The following HECTD2 variants were observed in gnomAD, a reference collection of about 807,000 sequenced individuals.
HECTD2 encodes the protein probable E3 ubiquitin-protein ligase HECTD2.
Under a neutral mutation model 103.2 loss-of-function variants are expected in HECTD2, and 35 were observed. The ratio of observed to expected loss-of-function variants is 0.34; its 90% CI spans 0.26 to 0.45. The LOEUF is 0.45. Ranked by LOEUF, HECTD2 falls within the 20% of genes least tolerant of loss-of-function variation. The pLI is 1.00. For synonymous variants in HECTD2, 281 were observed against 329.9 expected (o/e 0.85, Z 1.61); for missense variants, 596 against 937.4 (o/e 0.64, Z 4.76).
chr10:91,426,491 A>G (rs773606622), intron 2 of HECTD2, among the ~76,000 whole-genome samples: 5 of 151,984 alleles, frequency 3.3e-5, no homozygotes, highest in Non-Finnish European at 5.9e-5. Context: ...CTACATTCTT[A>G]TAGGTTAGTA....
chr10:91,440,272 G>C (rs1451491728), intron 2 of HECTD2, among the ~76,000 whole-genome samples: 1 of 152,128 alleles, frequency 6.6e-6, no homozygotes, highest in African/African-American at 2.4e-5. Context: ...TTTATTGAGA[G>C]TTTTTAGCAT....
chr10:91,433,605 T>A (rs1439864775), intron 2 of HECTD2, among the ~76,000 whole-genome samples: 1 of 152,036 alleles, frequency 6.6e-6, no homozygotes, highest in Non-Finnish European at 1.5e-5. Context: ...AAATAAATGA[T>A]TTGTGTTCAT....
chr10:91,478,125 C>A, intron 5 of HECTD2, 76 bp from the exon 6 acceptor site: 1 of 936,756 alleles, frequency 1.1e-6, no homozygotes, highest in Non-Finnish European at 1.7e-6. Flanking sequence ...TGAAACAGAT[C>A]TGTAAATATA....
At chr10:91,436,158 T>TGG (rs546696812) in intron 2 of HECTD2, among the ~76,000 whole-genome samples, 65 of 152,094 alleles carry the variant, frequency 4.3e-4, no homozygotes, top group African/African-American at 1.5e-3. Context: ...CTGTTTGTTT[T>TGG]GGTCTCTGTC....
intron 20 of HECTD2, among the ~76,000 whole-genome samples, chr10:91,507,253 T>C (rs979736933): frequency 1.3e-5 from 2 of 150,932 alleles, no homozygotes; most frequent in East Asian, 2.0e-4. Context: ...CTATTCAACA[T>C]AGTGTTGGAA....
intron 2 of HECTD2, among the ~76,000 whole-genome samples, chr10:91,431,023 G>T (rs1269841360): frequency 6.6e-6 from 1 of 151,462 alleles, no homozygotes; most frequent in Non-Finnish European, 1.5e-5. Context: ...GGTACAGGTT[G>T]TGCCTTTCCA....
intron 2 of HECTD2, among the ~76,000 whole-genome samples, chr10:91,432,562 G>A (rs1173035185): frequency 1.3e-5 from 2 of 151,900 alleles, no homozygotes; most frequent in Middle Eastern, 3.2e-3. Context: ...TTACTCTCTT[G>A]TGTCTTCCTT....
chr10:91,490,663 G>A (rs1327897136), intron 11 of HECTD2, among the ~76,000 whole-genome samples: 6 of 151,506 alleles, frequency 4.0e-5, no homozygotes, highest in South Asian at 2.1e-4. Context: ...AGGCCGAGGC[G>A]GGCGGATCAC....
chr10:91,456,366 GCT>G (rs1168041198), intron 2 of HECTD2, among the ~76,000 whole-genome samples: 8 of 152,060 alleles, frequency 5.3e-5, no homozygotes, highest in African/African-American at 1.9e-4. Flanking sequence ...TCATGATTTG[GCT>G]CTCTGTTTGT....
chr10:91,466,978 G>A (rs1177785449), intron 5 of HECTD2, among the ~76,000 whole-genome samples: 3 of 151,926 alleles, frequency 2.0e-5, no homozygotes, highest in African/African-American at 2.4e-5. Flanking sequence ...CATCTGCCAC[G>A]GAGAGACTGG....
At chr10:91,499,399 CAAGTA>C (rs776589722) in intron 18 of HECTD2, among the ~76,000 whole-genome samples, 1 of 152,046 alleles carries the variant, frequency 6.6e-6, no homozygotes, top group Non-Finnish European at 1.5e-5. Context: ...AAACTTTCTC[CAAGTA>C]GAGTGGATGA....
At chr10:91,506,422 T>C (rs1237312986) in intron 20 of HECTD2, among the ~76,000 whole-genome samples, 2 of 150,124 alleles carry the variant, frequency 1.3e-5, no homozygotes, top group Non-Finnish European at 3.0e-5. Context: ...ATAGATGCAA[T>C]AAAAAATGAT....
chr10:91,415,921 G>A (rs1340109091), intron 1 of HECTD2, among the ~76,000 whole-genome samples: 1 of 152,102 alleles, frequency 6.6e-6, no homozygotes, highest in Non-Finnish European at 1.5e-5. Flanking sequence ...TACATAAAAA[G>A]GGAGGGCTAT....
chr10:91,454,976 A>G (rs1426104541), intron 2 of HECTD2, among the ~76,000 whole-genome samples: 2 of 152,070 alleles, frequency 1.3e-5, no homozygotes, highest in African/African-American at 2.4e-5. Context: ...TCATTGATGG[A>G]CATTTGGGTT....
chr10:91,505,972 C>T (rs1162651736), intron 20 of HECTD2, among the ~76,000 whole-genome samples: 1 of 151,156 alleles, frequency 6.6e-6, no homozygotes, highest in Non-Finnish European at 1.5e-5. Flanking sequence ...AAGAATCTCA[C>T]TCAAAGCCAC....
intron 2 of HECTD2, among the ~76,000 whole-genome samples, chr10:91,454,973 T>C (rs1344734580): frequency 6.6e-6 from 1 of 152,194 alleles, no homozygotes; most frequent in East Asian, 1.9e-4. Flanking sequence ...CTATCATTGA[T>C]GGACATTTGG....
rs765400670 is a variant in HECTD2, at chr10:91,502,749, T to C, written c.2210+1415T>C. 1.3e-4 allele frequency among the ~76,000 whole-genome samples: 20 copies of C among 152,148 alleles called. 1 individual carries two copies. Among genetic ancestry groups the C allele is most frequent in the Non-Finnish European group, 1.9e-4 (13 of 68,030 alleles). ...AATATTTTATTTTATATTAAAAACA[T>C]TTCCAATTTTAAAAGAGTAATCTGA... On this transcript the variant is annotated intron_variant, in intron 20 of 20. Transcript: ENST00000298068.
At chr10:91,443,682 A>C (rs2133119118) in intron 2 of HECTD2, among the ~76,000 whole-genome samples, 1 of 152,240 alleles carries the variant, frequency 6.6e-6, no homozygotes, top group South Asian at 2.1e-4. Context: ...CTGCACAAAC[A>C]GTCGCCCCTT....
rs765691512 is a variant in HECTD2, at chr10:91,441,886, C to CTTT, written c.268+16495_268+16497dup. ...TCAGAGACTAGGATTGCAACCCTTGCTTTTTTTTTTTTTTTTTTTTTCTTT... is the reference window on the plus strand; with the variant it reads ...TCAGAGACTAGGATTGCAACCCTTGCTTTTTTTTTTTTTTTTTTTTTTTTCTTT... On this transcript the variant is annotated intron_variant, in intron 2 of 20. Coordinates refer to ENST00000298068, the MANE Select transcript of HECTD2 (RefSeq NM_182765.6). 6.7e-4 allele frequency among the ~76,000 whole-genome samples: 55 copies of CTTT among 81,942 alleles called. 3 individuals carry two copies. Among genetic ancestry groups the CTTT allele is most frequent in the East Asian group, 1.1e-3 (3 of 2,822 alleles). 53.8% of individuals were successfully genotyped at this position (81,942 alleles called of 152,430 possible).
Sources: gnomAD v4.1 joint callset for allele counts (sites outside exome capture counted in the v4.1 genomes callset) on GRCh38, gnomAD v4.1.1 for gene constraint, MANE v1.5 for transcripts, NCBI Gene and HGNC (gene_info 2026-07-23, HGNC 2026-07-21) for gene names.